TMEM268: variants seen among roughly 807,000 people sequenced by gnomAD.
The protein encoded by TMEM268 is transmembrane protein C9orf91.
TMEM268 carries 24 observed loss-of-function variants against 39.1 expected under a neutral mutation model. The ratio of observed to expected loss-of-function variants is 0.61; its 90% CI spans 0.44 to 0.86. TMEM268 has a LOEUF of 0.86. TMEM268 is among the 40% of genes least tolerant of loss of function. The pLI is 0.00. For missense variants in TMEM268, 409 were observed against 428.6 expected (o/e 0.95, Z 0.40); for synonymous variants, 176 against 173.5 (o/e 1.01, Z -0.12).
chr9:114,643,447 C>T lies in TMEM268; in HGVS notation c.*134C>T. The T allele has an allele frequency of 1.4e-6, 1 of 720,964 alleles. No individual in the cohort carries two copies. The highest frequency in any genetic ancestry group is 2.3e-6 in the Non-Finnish European group (1 of 436,994). 44.7% of individuals were successfully genotyped at this position (720,964 alleles called of 1,614,324 possible). ...GCACTCCAAAAGGGGCCTGTGATGT[C>T]AGCCACTGGGGTGTTGTGCTCACTT... On this transcript the variant is annotated 3_prime_UTR_variant, in exon 9 of 9. Coordinates refer to ENST00000288502, the MANE Select transcript of TMEM268 (RefSeq NM_153045.4).
chr9:114,609,519 A>G (rs1304184129), upstream of TMEM268, among the ~76,000 whole-genome samples: 1 of 151,432 alleles, frequency 6.6e-6, no homozygotes, highest in East Asian at 1.9e-4. Flanking sequence ...ACAAAAACAA[A>G]AACAAAAACA....
upstream of TMEM268, among the ~76,000 whole-genome samples, chr9:114,607,258 A>G (rs1414153829): frequency 6.6e-6 from 1 of 152,178 alleles, no homozygotes; most frequent in Admixed American, 6.5e-5. Context: ...AGCTATGAAC[A>G]TGGGTAGAAA....
chr9:114,644,925 T>G lies in TMEM268; in HGVS notation c.*1612T>G, dbSNP rs2133737561. 1 of 152,282 alleles carries G rather than the reference T, an allele frequency of 6.6e-6. No homozygotes were observed. Among genetic ancestry groups the G allele is most frequent in the Admixed American group, 6.5e-5 (1 of 15,280 alleles). 9.4% of individuals were successfully genotyped at this position (152,282 alleles called of 1,614,324 possible). ...GATTCTCATGCCTCAGCCTCCCAAG[T>G]AGCTGGGACTACAGGTGTGCACCAC... On this transcript the variant is annotated 3_prime_UTR_variant, in exon 9 of 9. Coordinates refer to ENST00000288502, the MANE Select transcript of TMEM268 (RefSeq NM_153045.4).
chr9:114,610,959 C>G (rs180934322), upstream of TMEM268, among the ~76,000 whole-genome samples: 1 of 152,182 alleles, frequency 6.6e-6, no homozygotes, highest in African/African-American at 2.4e-5. Flanking sequence ...CGGTGGCTCA[C>G]GCCTGTAATC....
chr9:114,610,814 G>A (rs1296206372), upstream of TMEM268, among the ~76,000 whole-genome samples: 1 of 152,158 alleles, frequency 6.6e-6, no homozygotes, highest in Non-Finnish European at 1.5e-5. Context: ...GGCACAAAGA[G>A]GTTAAATAAT....
At position 114,643,250 on chromosome 9, in the gene TMEM268, C is replaced by A; in HGVS notation, c.966C>A (p.Cys322Ter). Residue 322 changes from cysteine (C) to a stop codon, truncating the protein, a stop_gained, in exon 9 of 9, where the codon TGC (cysteine) becomes TGA (stop). Transcript: ENST00000288502. LOFTEE classifies it high-confidence loss of function. ...ACACGAACTCTCCGAGAATTCCATG[C>A]CCCTGCCAGCTCATAGAAGCCTACA... ...TRHTNSPRIP[C>*]PCQLIEAYIL... 1 of 1,614,172 alleles carries A rather than the reference C, an allele frequency of 6.2e-7. No homozygotes were observed. The highest frequency in any genetic ancestry group is 8.5e-7 in the Non-Finnish European group (1 of 1,180,012).
chr9:114,616,966 T>C (rs1190297655), intron 1 of TMEM268, among the ~76,000 whole-genome samples, 152 bp from the exon 2 acceptor site: 1 of 152,182 alleles, frequency 6.6e-6, no homozygotes, highest in Non-Finnish European at 1.5e-5. Flanking sequence ...CCTGGGAATT[T>C]TTCTCAGCAT....
At chr9:114,621,345 C>CAAAA (rs34338222) in intron 2 of TMEM268, among the ~76,000 whole-genome samples, 1 of 135,956 alleles carries the variant, frequency 7.4e-6, no homozygotes, top group African/African-American at 2.8e-5. Flanking sequence ...GATGCTGTCT[C>CAAAA]AAAAAAAAAA....
chr9:114,630,942 C>A (rs1389357996), intron 5 of TMEM268, among the ~76,000 whole-genome samples: 1 of 151,958 alleles, frequency 6.6e-6, no homozygotes, highest in Non-Finnish European at 1.5e-5. Context: ...TCTGTTGTTA[C>A]TTGATGTCTT....
intron 7 of TMEM268, among the ~76,000 whole-genome samples, 153 bp from the exon 8 acceptor site, chr9:114,638,391 T>G (rs1435666263): frequency 6.6e-6 from 1 of 152,208 alleles, no homozygotes; most frequent in Non-Finnish European, 1.5e-5. Context: ...TAGGGAATTA[T>G]GTAATATCCC....
chr9:114,622,927 C>G (rs1846002254), intron 2 of TMEM268, among the ~76,000 whole-genome samples: 1 of 151,926 alleles, frequency 6.6e-6, no homozygotes, highest in Non-Finnish European at 1.5e-5. Flanking sequence ...TGTGTCTCTA[C>G]TGAAATACAA....
intron 5 of TMEM268, among the ~76,000 whole-genome samples, chr9:114,630,817 C>T (rs1846361474): frequency 1.3e-5 from 2 of 152,168 alleles, no homozygotes; most frequent in South Asian, 4.1e-4. Flanking sequence ...CAGCCCTTCT[C>T]AGGTCTTCTT....
At chr9:114,639,366 G>A (rs1304162936) in intron 8 of TMEM268, among the ~76,000 whole-genome samples, 2 of 151,722 alleles carry the variant, frequency 1.3e-5, no homozygotes, top group South Asian at 2.1e-4. Context: ...CCAACTCCTG[G>A]GCTCAAGAGA....
At chr9:114,623,087 C>T (rs1009020214) in intron 2 of TMEM268, among the ~76,000 whole-genome samples, 9 of 150,720 alleles carry the variant, frequency 6.0e-5, no homozygotes, top group African/African-American at 2.2e-4. Flanking sequence ...GAGACTCTGT[C>T]TCCAAAAAAC....
At chr9:114,641,828 C>T (rs964030977) in intron 8 of TMEM268, among the ~76,000 whole-genome samples, 2 of 151,452 alleles carry the variant, frequency 1.3e-5, no homozygotes, top group Non-Finnish European at 2.9e-5. Flanking sequence ...TTAGTAGAGA[C>T]GGGGTTTCAC....
intron 2 of TMEM268, among the ~76,000 whole-genome samples, chr9:114,617,791 C>T (rs754928711): frequency 8.5e-5 from 13 of 152,134 alleles, no homozygotes; most frequent in Non-Finnish European, 1.8e-4. Context: ...AGGCTGGTCT[C>T]AGACTCCTGG....
At chr9:114,614,308 G>A in intron 1 of TMEM268, among the ~76,000 whole-genome samples, 1 of 152,180 alleles carries the variant, frequency 6.6e-6, no homozygotes, top group Non-Finnish European at 1.5e-5. Context: ...GGGAGAGGGG[G>A]CTCCTAAGTG....
intron 1 of TMEM268, 22 bp from the exon 2 acceptor site, chr9:114,617,096 T>A: frequency 1.3e-6 from 1 of 794,084 alleles, no homozygotes; most frequent in African/African-American, 1.8e-5. Flanking sequence ...CCTGAAGTTC[T>A]TTTTTGTGCT....
intron 1 of TMEM268, among the ~76,000 whole-genome samples, chr9:114,616,626 A>G (rs1266428497): frequency 6.7e-6 from 1 of 148,870 alleles, no homozygotes; most frequent in Admixed American, 6.8e-5. Flanking sequence ...TCAGCCTCCC[A>G]AAGTGCTGGG....
Sources: gnomAD v4.1 joint callset for allele counts (sites outside exome capture counted in the v4.1 genomes callset) on GRCh38, gnomAD v4.1.1 for gene constraint, MANE v1.5 for transcripts, NCBI Gene and HGNC (gene_info 2026-07-23, HGNC 2026-07-21) for gene names.